The following FLRT1 variants were observed in gnomAD, a reference collection of about 807,000 sequenced individuals.
FLRT1 encodes the protein fibronectin leucine rich transmembrane protein 1, also known as leucine-rich repeat transmembrane protein FLRT1.
A neutral mutation model predicts 30.9 loss-of-function variants in FLRT1; 14 were observed. The observed-to-expected ratio is 0.45, with a 90% CI of 0.30 to 0.71. The LOEUF (loss-of-function observed/expected upper bound fraction) is 0.71, where lower values mean the gene tolerates loss of function less well. Ranked by LOEUF, FLRT1 falls within the 30% of genes least tolerant of loss-of-function variation. FLRT1 has a pLI of 0.08. For missense variants in FLRT1, 737 were observed against 949.2 expected (o/e 0.78, Z 2.94); for synonymous variants, 368 against 430.4 (o/e 0.85, Z 1.80).
At chr11:64,113,536 G>A (rs1026875918) in intron 2 of FLRT1, among the ~76,000 whole-genome samples, 3 of 149,366 alleles carry the variant, frequency 2.0e-5, no homozygotes, top group African/African-American at 5.0e-5. Flanking sequence ...ATAGACAGGT[G>A]GATGCATGGA....
chr11:64,107,735 C>T (rs1944788796), intron 2 of FLRT1, among the ~76,000 whole-genome samples: 1 of 152,232 alleles, frequency 6.6e-6, no homozygotes, highest in African/African-American at 2.4e-5. Context: ...GCACCCTGCC[C>T]TGGCGGGAGC....
chr11:64,073,460 C>T (rs563251092), intron 1 of FLRT1, among the ~76,000 whole-genome samples: 119 of 152,350 alleles, frequency 7.8e-4, no homozygotes, highest in African/African-American at 2.8e-3. Context: ...AGTTTGGGCA[C>T]CTGTCAGGTG....
chr11:64,094,949 G>T (rs1213188388), intron 1 of FLRT1, among the ~76,000 whole-genome samples: 2 of 152,240 alleles, frequency 1.3e-5, no homozygotes, highest in African/African-American at 4.8e-5. Context: ...AGCCCCGTGT[G>T]CTCCAGGAGT....
intron 1 of FLRT1, among the ~76,000 whole-genome samples, chr11:64,048,129 G>A (rs114104127): frequency 0.012 from 1,753 of 152,284 alleles, 27 homozygotes; most frequent in African/African-American, 0.039. Flanking sequence ...AAGCAGGGCC[G>A]GGCAGGGGCC....
chr11:64,088,069 G>C (rs1944425756), intron 1 of FLRT1, among the ~76,000 whole-genome samples: 1 of 152,168 alleles, frequency 6.6e-6, no homozygotes, highest in African/African-American at 2.4e-5. Flanking sequence ...GGCCTCCCCT[G>C]GCTCTTCCCA....
At chr11:64,053,155 G>A (rs1943724664) in intron 1 of FLRT1, among the ~76,000 whole-genome samples, 1 of 152,208 alleles carries the variant, frequency 6.6e-6, no homozygotes. Context: ...GCGGGCCCCA[G>A]ACGGAGAGCT....
intron 1 of FLRT1, among the ~76,000 whole-genome samples, chr11:64,094,541 C>G (rs532821460): frequency 9.2e-5 from 14 of 152,322 alleles, no homozygotes; most frequent in Non-Finnish European, 1.5e-4. Flanking sequence ...GAATGGCAGG[C>G]TCCTGGAGTG....
In FLRT1 at chr11:64,119,009, AAGCCGT is replaced by A. The variant is rs1476715262; in HGVS notation, c.*721_*726del. 1 of 166,966 alleles carries A rather than the reference AAGCCGT, an allele frequency of 6.0e-6. No homozygotes were observed. The highest frequency in any genetic ancestry group is 2.4e-5 in the African/African-American group (1 of 41,348). The allele number at this position is 166,966 out of a possible 1,614,324, so 10.3% of individuals were successfully genotyped here. A position where few individuals can be genotyped will look rare whatever the true frequency, so the allele number is the denominator to read the frequency against. On this transcript the variant is annotated 3_prime_UTR_variant, in exon 3 of 3. Transcript: ENST00000682287. ...CCACGCTCCGTAGAAGCCCCGGCGGAAGCCGTAGCTTTCCCTGCCACCTGGAGGTGC... is the reference window on the plus strand; with the variant it reads ...CCACGCTCCGTAGAAGCCCCGGCGGAAGCTTTCCCTGCCACCTGGAGGTGC...
intron 1 of FLRT1, among the ~76,000 whole-genome samples, chr11:64,086,294 G>A (rs1331174439): frequency 1.3e-5 from 2 of 152,014 alleles, no homozygotes; most frequent in South Asian, 2.1e-4. Flanking sequence ...TTTAGGAGGC[G>A]TAAAGTGCAT....
intron 1 of FLRT1, among the ~76,000 whole-genome samples, chr11:64,058,262 C>G (rs2134429696): frequency 6.6e-6 from 1 of 152,390 alleles, no homozygotes; most frequent in African/African-American, 2.4e-5. Context: ...CGAGGGTGCT[C>G]TCGGATGAGC....
chr11:64,093,533 C>T (rs1363365841), intron 1 of FLRT1, among the ~76,000 whole-genome samples: 1 of 152,238 alleles, frequency 6.6e-6, no homozygotes, highest in Non-Finnish European at 1.5e-5. Context: ...GGCATCTCTG[C>T]CTGGTACAGA....
chr11:64,053,340 G>A (rs569327633), intron 1 of FLRT1, among the ~76,000 whole-genome samples: 9 of 152,346 alleles, frequency 5.9e-5, no homozygotes, highest in South Asian at 4.1e-4. Context: ...CTTTAATGAA[G>A]CAGATTAAGC....
chr11:64,066,319 A>G (rs1215764676), intron 1 of FLRT1, among the ~76,000 whole-genome samples: 1 of 144,710 alleles, frequency 6.9e-6, no homozygotes, highest in Non-Finnish European at 1.5e-5. Context: ...AAAAAAAAAA[A>G]GATGAATTTA....
At chr11:64,105,703 T>A (rs1328671082) in intron 2 of FLRT1, among the ~76,000 whole-genome samples, 1 of 152,174 alleles carries the variant, frequency 6.6e-6, no homozygotes, top group East Asian at 1.9e-4. Flanking sequence ...GCGGCTCCCA[T>A]GAGGCCCTGC....
At position 64,067,458 on chromosome 11, in the gene FLRT1, G is replaced by A. The variant is rs962495021; in HGVS notation, c.-1038+31299G>A. 2.0e-5 allele frequency among the ~76,000 whole-genome samples: 3 copies of A among 152,122 alleles called. No individual in the cohort carries two copies. Among genetic ancestry groups the A allele is most frequent in the Admixed American group, 1.3e-4 (2 of 15,282 alleles). ...GGCCCAGGTGACAGCCAGCACAGAC[G>A]CCCAGCTCAGATAACAGAAGGGAGG... is the stretch of plus-strand genomic sequence containing the variant. On this transcript the variant is annotated intron_variant, in intron 1 of 2. Coordinates refer to ENST00000682287, the MANE Select transcript of FLRT1 (RefSeq NM_013280.5). This position sits in a 1 kb window ranked among gnomAD's most constrained non-coding sequence, Gnocchi z 4.6.
intron 1 of FLRT1, among the ~76,000 whole-genome samples, chr11:64,037,781 G>A (rs996793666): frequency 1.3e-5 from 2 of 152,162 alleles, no homozygotes; most frequent in African/African-American, 4.8e-5. Flanking sequence ...TGGCCTGCTG[G>A]ACTTCACCTA....
In FLRT1 at chr11:64,116,839, G is replaced by A. The variant is rs1350964898; in HGVS notation, c.572G>A (p.Ser191Asn). The A allele has an allele frequency of 6.2e-7, 1 of 1,612,772 alleles. No homozygotes were observed. Among genetic ancestry groups the A allele is most frequent in the Non-Finnish European group, 8.5e-7 (1 of 1,179,918 alleles). Reference protein sequence around the residue: ...LLFLSRNHLSSIPSGLPHTLE... With the variant: ...LLFLSRNHLSNIPSGLPHTLE... ...TTCCTGAGCCGGAACCACCTGAGCA[G>A]CATCCCCTCGGGGCTGCCGCACACG... Residue 191 changes from serine to asparagine, a missense_variant, in exon 3 of 3, where the codon AGC becomes AAC. Ser to Asn is a conservative substitution (Grantham distance 46). Coordinates refer to ENST00000682287, the MANE Select transcript of FLRT1 (RefSeq NM_013280.5).
intron 2 of FLRT1, among the ~76,000 whole-genome samples, chr11:64,105,154 T>C (rs1214181701): frequency 6.6e-6 from 1 of 152,212 alleles, no homozygotes; most frequent in African/African-American, 2.4e-5. Flanking sequence ...TATTTGCTGT[T>C]ATTTATTATA....
intron 2 of FLRT1, among the ~76,000 whole-genome samples, chr11:64,111,830 A>C (rs1211758670): frequency 2.0e-5 from 3 of 152,206 alleles, no homozygotes. Context: ...AGGTGGTCAG[A>C]TAAGGGTCAG....
Sources: allele counts gnomAD v4.1 joint callset (sites outside exome capture counted in the v4.1 genomes callset), GRCh38; gene constraint gnomAD v4.1.1; non-coding constraint Gnocchi (gnomAD v3.1); transcripts MANE v1.5; gene names NCBI Gene and HGNC (gene_info 2026-07-23, HGNC 2026-07-21).